The following ACACB variants were observed in gnomAD, a reference collection of about 807,000 sequenced individuals.
The protein encoded by ACACB is acetyl-CoA carboxylase 2.
Under a neutral mutation model 278.8 loss-of-function variants are expected in ACACB, and 209 were observed. That is an observed-to-expected ratio of 0.75 (90% CI 0.67 to 0.84). The LOEUF (loss-of-function observed/expected upper bound fraction) is 0.84. Ranked by LOEUF, ACACB falls within the 40% of genes least tolerant of loss-of-function variation. ACACB has a pLI of 0.00. For synonymous variants in ACACB, 1,174 were observed against 1,285.6 expected (o/e 0.91, Z 1.86); for missense variants, 2,850 against 3,269.0 (o/e 0.87, Z 3.13).
intron 40 of ACACB, 47 bp from the exon 41 acceptor site, chr12:109,249,937 T>G (rs1254232593): frequency 6.4e-7 from 1 of 1,561,186 alleles, no homozygotes; most frequent in African/African-American, 1.4e-5. Context: ...CCACCTTGGA[T>G]TTTTTGGGGC....
chr12:109,112,131 A>C (rs2042308371), upstream of ACACB, among the ~76,000 whole-genome samples: 1 of 149,134 alleles, frequency 6.7e-6, no homozygotes, highest in Non-Finnish European at 1.5e-5. Context: ...AAACACAATT[A>C]TTTTATATTT....
chr12:109,183,165 C>G (rs1178411874), intron 11 of ACACB, among the ~76,000 whole-genome samples: 2 of 152,072 alleles, frequency 1.3e-5, no homozygotes, highest in Non-Finnish European at 2.9e-5. Flanking sequence ...TCAGTACCAC[C>G]CTGTTTTGGT....
chr12:109,168,496 CT>C (rs1335743746), intron 4 of ACACB, among the ~76,000 whole-genome samples: 3 of 152,120 alleles, frequency 2.0e-5, no homozygotes, highest in Non-Finnish European at 2.9e-5. Context: ...ATAACTTCTT[CT>C]GCTGTATTTT....
At chr12:109,249,359 T>C (rs2047034519) in intron 40 of ACACB, 1 of 152,238 alleles carries the variant, frequency 6.6e-6, no homozygotes, top group Non-Finnish European at 1.5e-5. Flanking sequence ...CTTTTATCTG[T>C]ATCTATCTGC....
upstream of ACACB, among the ~76,000 whole-genome samples, chr12:109,112,806 A>G (rs1157743386): frequency 6.6e-6 from 1 of 151,900 alleles, no homozygotes; most frequent in Non-Finnish European, 1.5e-5. Context: ...GTATGCAAAG[A>G]TGCATAAAAG....
intron 33 of ACACB, chr12:109,236,372 A>AT (rs1371394313): frequency 6.6e-6 from 1 of 152,250 alleles, no homozygotes; most frequent in African/African-American, 2.4e-5. Flanking sequence ...TCAGTAAGAC[A>AT]TTTTTTCCAA....
Position 109,209,091 on chromosome 12 carries a change from T to C in ACACB, c.3061-74T>C, listed in dbSNP as rs554901928. 6 of 1,479,476 alleles carry C rather than the reference T, an allele frequency of 4.1e-6. No individual in the cohort carries two copies. In the African/African-American group the frequency reaches 6.9e-5, roughly 17 times the overall value. 91.6% of individuals were successfully genotyped at this position (1,479,476 alleles called of 1,614,324 possible). A position where few individuals can be genotyped will look rare whatever the true frequency, so the allele number is the denominator to read the frequency against. On this transcript the variant is annotated intron_variant, in intron 20 of 52. Transcript: ENST00000338432. The stretch of plus-strand genomic sequence containing the variant: ...GGGGTCAGGATGGGTTGAGCTGTGT[T>C]GGGTGCCCTGTTTGGGGCGGTGGTG...
At chr12:109,143,890 G>A (rs758475456) in intron 2 of ACACB, among the ~76,000 whole-genome samples, 26 of 152,176 alleles carry the variant, frequency 1.7e-4, no homozygotes, top group South Asian at 1.0e-3. Context: ...ATATCAAAAT[G>A]AGGCTGAGGT....
At chr12:109,210,223 G>C (rs1259648026) in intron 21 of ACACB, among the ~76,000 whole-genome samples, 6 of 10,160 alleles carry the variant, frequency 5.9e-4, no homozygotes, top group African/African-American at 4.4e-3. Flanking sequence ...ATACACACAT[G>C]TGTGTATATG....
chr12:109,212,255 C>A (rs531806985), intron 21 of ACACB, among the ~76,000 whole-genome samples: 1 of 152,196 alleles, frequency 6.6e-6, no homozygotes, highest in Admixed American at 6.5e-5. Context: ...GTCAGCAGTT[C>A]CCAACCTTTT....
At chr12:109,224,603 C>G (rs991845926) in intron 27 of ACACB, among the ~76,000 whole-genome samples, 2 of 151,978 alleles carry the variant, frequency 1.3e-5, no homozygotes, top group Non-Finnish European at 2.9e-5. Flanking sequence ...ACTATCTCGG[C>G]TCACTGCAGC....
chr12:109,265,338 G>A (rs754891863), intron 51 of ACACB, 51 bp from the exon 52 acceptor site: 1 of 1,610,504 alleles, frequency 6.2e-7, no homozygotes, highest in African/African-American at 1.3e-5. Flanking sequence ...GGCTGAGACA[G>A]CTGGCCCACA....
chr12:109,259,019 A>G lies in ACACB; in HGVS notation c.6407A>G (p.Lys2136Arg). ...GQVWFPDSAY[K>R]TAQAVKDFNR... ...GTGTGGTTCCCAGACTCAGCCTACA[A>G]AACCGCCCAGGCCGTCAAGGACTTC... The change falls in exon 47 of 53, where the codon AAA (lysine) becomes AGA (arginine). Residue 2136 changes from lysine to arginine, a missense_variant. By Grantham distance (26) the Lys-to-Arg change is conservative. Around this residue, in one of 3 missense-constraint regions of ACACB, gnomAD observed 579 missense variants for 684.6 expected, o/e 0.85. Transcript: ENST00000338432. 1.2e-6 allele frequency: 2 copies of G among 1,614,138 alleles called. No homozygotes were observed. The highest frequency in any genetic ancestry group is 1.7e-6 in the Non-Finnish European group (2 of 1,180,010).
chr12:109,206,717 C>G lies in ACACB; in HGVS notation c.2921C>G (p.Pro974Arg), dbSNP rs768264013. The G allele has an allele frequency of 6.2e-7, 1 of 1,613,984 alleles. No individual in the cohort carries two copies. Among genetic ancestry groups the G allele is most frequent in the Non-Finnish European group, 8.5e-7 (1 of 1,180,026 alleles). Residue 974 changes from proline to arginine, a missense_variant, in exon 20 of 53, where the codon CCG (proline) becomes CGG (arginine). This residue lies in a region of ACACB where 2,265 missense variants were observed against 2,561.3 expected (regional missense o/e 0.88). Coordinates refer to ENST00000338432, the MANE Select transcript of ACACB (RefSeq NM_001093.4). ...DDPSKVHPAE[P>R]FTGELPAQQT... ...CTTGTGGTGTCTCATCAGGCTGAAC[C>G]GTTCACAGGAGAACTCCCTGCCCAG...
chr12:109,232,537 T>C, intron 28 of ACACB, 132 bp from the exon 29 acceptor site: 1 of 1,148,864 alleles, frequency 8.7e-7, no homozygotes, highest in Non-Finnish European at 1.2e-6. Flanking sequence ...TCTCATCCCC[T>C]GCCCATTTTA....
At chr12:109,190,400 A>G (rs1415979660) in intron 13 of ACACB, among the ~76,000 whole-genome samples, 1 of 152,092 alleles carries the variant, frequency 6.6e-6, no homozygotes, top group South Asian at 2.1e-4. Context: ...AGGTTTAGCT[A>G]TTTGAACTGG....
intron 20 of ACACB, among the ~76,000 whole-genome samples, chr12:109,208,958 G>A (rs2045599590): frequency 6.6e-6 from 1 of 152,122 alleles, no homozygotes; most frequent in South Asian, 2.1e-4. Context: ...GGGGAGTCAG[G>A]GTCTTCCTAT....
Position 109,253,112 on chromosome 12 carries a change from T to G in ACACB, c.5999T>G (p.Phe2000Cys). 2 of 1,612,736 alleles carry G rather than the reference T, an allele frequency of 1.2e-6. No individual in the cohort carries two copies. The highest frequency in any genetic ancestry group is 1.7e-6 in the Non-Finnish European group (2 of 1,179,262). ...TCCCACATCACCGTGCCAGATGACT[T>G]TGAGGGGGTTTATACCATCCTGGAG... ...GVSHITVPDDFEGVYTILEWL... is the reference protein window; with the variant it reads ...GVSHITVPDDCEGVYTILEWL... The change falls in exon 43 of 53, where the codon TTT (phenylalanine) becomes TGT (cysteine). Residue 2000 changes from phenylalanine to cysteine, a missense_variant. By Grantham distance (205) the Phe-to-Cys change is radical. Coordinates refer to ENST00000338432, the MANE Select transcript of ACACB (RefSeq NM_001093.4).
chr12:109,247,976 G>A (rs370842638), intron 40 of ACACB, among the ~76,000 whole-genome samples: 236 of 152,338 alleles, frequency 1.5e-3, no homozygotes, highest in African/African-American at 3.1e-3. Flanking sequence ...CCTAGGAGCC[G>A]CAGGCTCACA....
Sources: allele counts gnomAD v4.1 joint callset (sites outside exome capture counted in the v4.1 genomes callset), GRCh38; gene constraint gnomAD v4.1.1; regional missense constraint gnomAD v4.1.1; transcripts MANE v1.5; gene names NCBI Gene and HGNC (gene_info 2026-07-23, HGNC 2026-07-21).